AP2B1: variants seen among roughly 807,000 people sequenced by gnomAD.
AP2B1 encodes adaptor related protein complex 2 subunit beta 1.
In AP2B1, 23 loss-of-function variants were observed where a neutral mutation model predicts 102.0. The ratio of observed to expected loss-of-function variants is 0.23; its 90% CI spans 0.16 to 0.32. The LOEUF is 0.32. Among genes scored for constraint, AP2B1 ranks in the 10% least tolerant of loss-of-function variants. The pLI, the probability that AP2B1 is intolerant of heterozygous loss-of-function variation, is 1.00. For synonymous variants in AP2B1, 381 were observed against 421.2 expected (o/e 0.90, Z 1.17); for missense variants, 541 against 1,157.4 (o/e 0.47, Z 7.73).
chr17:35,620,762 A>C (rs2074152887), intron 5 of AP2B1, among the ~76,000 whole-genome samples: 3 of 152,112 alleles, frequency 2.0e-5, no homozygotes, highest in Admixed American at 2.0e-4. Context: ...GATTACAGTG[A>C]GCTGTGATCA....
At chr17:35,638,561 G>A (rs1188109065) in intron 10 of AP2B1, among the ~76,000 whole-genome samples, 3 of 152,030 alleles carry the variant, frequency 2.0e-5, no homozygotes, top group Admixed American at 6.6e-5. Context: ...GGCCGAGGTG[G>A]GCGGATCATG....
At chr17:35,718,698 G>T (rs1285377455) in intron 21 of AP2B1, among the ~76,000 whole-genome samples, 1 of 151,940 alleles carries the variant, frequency 6.6e-6, no homozygotes, top group Non-Finnish European at 1.5e-5. Context: ...AAGAAAAAAA[G>T]GGTTGGGGGG....
chr17:35,665,695 C>G (rs2098971358), intron 14 of AP2B1, among the ~76,000 whole-genome samples: 1 of 152,184 alleles, frequency 6.6e-6, no homozygotes, highest in Non-Finnish European at 1.5e-5. Flanking sequence ...CTTAGATTCC[C>G]TTCAATTCAG....
intron 18 of AP2B1, among the ~76,000 whole-genome samples, chr17:35,700,979 A>G (rs1295312289): frequency 6.6e-6 from 1 of 152,228 alleles, no homozygotes; most frequent in Non-Finnish European, 1.5e-5. Flanking sequence ...CCAAAGAAAC[A>G]GAGGGTTAGG....
At chr17:35,685,932 T>C (rs141908849) in intron 18 of AP2B1, among the ~76,000 whole-genome samples, 9,551 of 152,192 alleles carry the variant, frequency 0.063, 417 homozygotes, top group Middle Eastern at 0.11. Flanking sequence ...CAGCTAATTT[T>C]TGTATTTTTA....
chr17:35,637,929 C>G (rs946758060), intron 10 of AP2B1, among the ~76,000 whole-genome samples: 1 of 151,808 alleles, frequency 6.6e-6, no homozygotes. Flanking sequence ...AAGTGATCCC[C>G]CCCACCTCGC....
Position 35,723,776 on chromosome 17 carries a change from G to T in AP2B1, c.*77G>T. On this transcript the variant is annotated 3_prime_UTR_variant, in exon 22 of 22. Coordinates refer to ENST00000610402, the MANE Select transcript of AP2B1 (RefSeq NM_001030006.2). Reference sequence around the variant, plus strand: ...ACTCTTAACTGGAAGAAATTGTATTGCTGCGTAGAATCTGAACACACTGAG... The same window carrying T: ...ACTCTTAACTGGAAGAAATTGTATTTCTGCGTAGAATCTGAACACACTGAG... 1 of 1,122,536 alleles carries T rather than the reference G, an allele frequency of 8.9e-7. No individual in the cohort carries two copies. Among genetic ancestry groups the T allele is most frequent in the East Asian group, 2.4e-5 (1 of 42,376 alleles). The allele number at this position is 1,122,536 out of a possible 1,614,324, so 69.5% of individuals were successfully genotyped here. A position where few individuals can be genotyped will look rare whatever the true frequency, so the allele number is the denominator to read the frequency against.
intron 18 of AP2B1, among the ~76,000 whole-genome samples, chr17:35,686,626 G>A (rs1206530894): frequency 6.6e-6 from 1 of 152,118 alleles, no homozygotes; most frequent in Non-Finnish European, 1.5e-5. Flanking sequence ...AAGTTTTCAG[G>A]ATGATAAAAG....
chr17:35,659,781 A>C, intron 14 of AP2B1: 1 of 985,114 alleles, frequency 1.0e-6, no homozygotes, highest in South Asian at 4.7e-5. Flanking sequence ...AATTGTTTAC[A>C]GTGCAGTTTT....
chr17:35,637,476 G>A (rs940395897), intron 10 of AP2B1, among the ~76,000 whole-genome samples: 31 of 151,828 alleles, frequency 2.0e-4, no homozygotes, highest in African/African-American at 6.5e-4. Flanking sequence ...CACGATGCCC[G>A]GCCCACTTCT....
intron 14 of AP2B1, chr17:35,660,034 A>T: frequency 1.0e-6 from 1 of 985,384 alleles, no homozygotes; most frequent in Middle Eastern, 5.2e-4. Flanking sequence ...CCTAAAGAGA[A>T]GATTAATCCT....
At chr17:35,640,239 T>TATTTA (rs776783786) in intron 11 of AP2B1, among the ~76,000 whole-genome samples, 26 of 38,890 alleles carry the variant, frequency 6.7e-4, no homozygotes, top group African/African-American at 3.0e-3. Context: ...TTTTTTTTTT[T>TATTTA]TTTTTTTTTT....
intron 17 of AP2B1, among the ~76,000 whole-genome samples, chr17:35,676,108 C>G (rs1598257884): frequency 6.6e-6 from 1 of 152,306 alleles, no homozygotes; most frequent in South Asian, 2.1e-4. Context: ...TGTGGAGTTT[C>G]CCACAGTCTC....
intron 5 of AP2B1, among the ~76,000 whole-genome samples, chr17:35,616,822 G>A (rs900160811): frequency 2.0e-5 from 3 of 152,182 alleles, no homozygotes; most frequent in Admixed American, 1.3e-4. Flanking sequence ...AGTCACCATA[G>A]CATAGTGGTT....
chr17:35,632,264 A>G (rs574945635), intron 9 of AP2B1, among the ~76,000 whole-genome samples: 1 of 152,142 alleles, frequency 6.6e-6, no homozygotes, highest in South Asian at 2.1e-4. Context: ...CCTCCAGAGT[A>G]GCTGGGATTA....
Position 35,680,935 on chromosome 17 carries a change from T to C in AP2B1, c.2325-1760T>C, listed in dbSNP as rs587698225. Among the ~76,000 whole-genome samples, 126 of 152,224 alleles carry C rather than the reference T, an allele frequency of 8.3e-4. 2 individuals carry two copies. The highest frequency in any genetic ancestry group is 2.8e-3 in the African/African-American group (116 of 41,534). On this transcript the variant is annotated intron_variant, in intron 17 of 21. Transcript: ENST00000610402. Reference sequence around the variant, plus strand: ...GTCTCGAACTCCTGGCCTTAAGTGATCCGCCCGCTGCAGCCTCCCAAAGTG... The same window carrying C: ...GTCTCGAACTCCTGGCCTTAAGTGACCCGCCCGCTGCAGCCTCCCAAAGTG...
At chr17:35,671,020 A>C (rs961149195) in intron 15 of AP2B1, 122 bp downstream of exon 15, 44 of 966,986 alleles carry the variant, frequency 4.6e-5, no homozygotes, top group Middle Eastern at 2.2e-4. Context: ...AACCTCTATA[A>C]CAGTATATGG....
intron 9 of AP2B1, among the ~76,000 whole-genome samples, chr17:35,632,087 T>TG (rs2074477182): frequency 1.4e-5 from 1 of 73,908 alleles, no homozygotes; most frequent in Non-Finnish European, 3.2e-5. Flanking sequence ...TAAAATTCAC[T>TG]ATTTTTTTTT....
At chr17:35,706,049 C>G (rs1250746561) in intron 18 of AP2B1, among the ~76,000 whole-genome samples, 2 of 152,180 alleles carry the variant, frequency 1.3e-5, no homozygotes, top group Admixed American at 1.3e-4. Flanking sequence ...ACCTCTGTAT[C>G]TGCCGCTTCT....
Sources: gnomAD v4.1 joint callset for allele counts (sites outside exome capture counted in the v4.1 genomes callset) on GRCh38, gnomAD v4.1.1 for gene constraint, MANE v1.5 for transcripts, NCBI Gene and HGNC (gene_info 2026-07-23, HGNC 2026-07-21) for gene names.